Variants in HNF4A observed in about 807,000 individuals in gnomAD.
HNF4A encodes hepatocyte nuclear factor 4 alpha.
A neutral mutation model predicts 52.4 loss-of-function variants in HNF4A; 15 were observed. The ratio of observed to expected loss-of-function variants is 0.29; its 90% CI spans 0.19 to 0.44. The LOEUF (loss-of-function observed/expected upper bound fraction) is 0.44. HNF4A is among the 20% of genes least tolerant of loss of function. The probability of loss-of-function intolerance (pLI) is 1.00; values close to 1 mark genes in which losing one functional copy is unlikely to be tolerated. For synonymous variants in HNF4A, 280 were observed against 264.4 expected (o/e 1.06, Z -0.57); for missense variants, 479 against 647.2 (o/e 0.74, Z 2.82).
intron 3 of HNF4A, among the ~76,000 whole-genome samples, chr20:44,407,910 C>A (rs1048162504): frequency 6.6e-6 from 1 of 152,178 alleles, no homozygotes; most frequent in African/African-American, 2.4e-5. Flanking sequence ...CCTGAGCTTC[C>A]GGTCCCAGGG....
intron 1 of HNF4A, among the ~76,000 whole-genome samples, chr20:44,382,708 G>A (rs1300248345): frequency 1.3e-5 from 2 of 152,096 alleles, no homozygotes; most frequent in Non-Finnish European, 2.9e-5. Flanking sequence ...TGATACATAC[G>A]ACTGGGTTAG....
At chr20:44,386,767 G>A (rs1386159590) in intron 1 of HNF4A, among the ~76,000 whole-genome samples, 2 of 152,230 alleles carry the variant, frequency 1.3e-5, no homozygotes, top group Non-Finnish European at 2.9e-5. Flanking sequence ...AATGTCATTA[G>A]TGCTTAGGTC....
intron 1 of HNF4A, among the ~76,000 whole-genome samples, chr20:44,404,545 GTATGTA>G (rs145689571): frequency 0.016 from 2,486 of 151,514 alleles, 38 homozygotes; most frequent in Non-Finnish European, 0.026. Context: ...GTGTGTATGT[GTATGTA>G]TATGTGTGGA....
chr20:44,362,387 T>C (rs1419262776), intron 1 of HNF4A, among the ~76,000 whole-genome samples: 2 of 124,366 alleles, frequency 1.6e-5, no homozygotes, highest in African/African-American at 6.4e-5. Context: ...ACCACTGCAC[T>C]CCAACCTGGG....
intron 1 of HNF4A, among the ~76,000 whole-genome samples, chr20:44,391,084 C>CT (rs1292777567): frequency 1.3e-5 from 2 of 152,274 alleles, no homozygotes; most frequent in East Asian, 3.9e-4. Flanking sequence ...GTTAAAATCT[C>CT]ATTGCCACTT....
In HNF4A at chr20:44,370,646, T is replaced by C. The variant is rs139261645; in HGVS notation, c.49+14793T>C. The stretch of plus-strand genomic sequence containing the variant: ...ATGACAGCAGGGAGTTAGGCTGTCT[T>C]GTCCCCTGCTGTATCCCCAGCATGT... On this transcript the variant is annotated intron_variant, in intron 1 of 9. Transcript: ENST00000316673. 8.8e-3 allele frequency among the ~76,000 whole-genome samples: 1,346 copies of C among 152,328 alleles called. 9 individuals carry two copies. The highest frequency in any genetic ancestry group is 0.017 in the South Asian group (84 of 4,828).
chr20:44,406,980 C>G (rs532637090), intron 2 of HNF4A, among the ~76,000 whole-genome samples: 15 of 152,292 alleles, frequency 9.8e-5, no homozygotes, highest in African/African-American at 3.1e-4. Flanking sequence ...CTTCCTATCC[C>G]CCTCCAGAGA....
At chr20:44,364,646 T>G (rs2062952940) in intron 1 of HNF4A, among the ~76,000 whole-genome samples, 3 of 152,036 alleles carry the variant, frequency 2.0e-5, no homozygotes, top group African/African-American at 7.2e-5. Flanking sequence ...CTTTTTGTAT[T>G]TTTACTAGAG....
In HNF4A at chr20:44,429,555, GGTGGCTC is replaced by G; in HGVS notation, c.1316_1322del (p.Gly439GlufsTer78). ...TGAGACCCCACAGCCCTCACCGCCA[GGTGGCTC>G]AGGGTCTGAGCCCTATAAGCTCCTG... On this transcript the variant is annotated frameshift_variant, in exon 10 of 10. Transcript: ENST00000316099. LOFTEE classifies it high-confidence loss of function. 1 of 1,614,046 alleles carries G rather than the reference GGTGGCTC, an allele frequency of 6.2e-7. No homozygotes were observed. Among genetic ancestry groups the G allele is most frequent in the Non-Finnish European group, 8.5e-7 (1 of 1,179,970 alleles).
At position 44,365,141 on chromosome 20, in the gene HNF4A, A is replaced by T. The variant is rs189930421; in HGVS notation, c.49+9288A>T. On this transcript the variant is annotated intron_variant, in intron 1 of 9. Coordinates refer to the HNF4A transcript ENST00000316673. ...TATAACAAGTGTAAATATACAATTT[A>T]AAAAAGTATCTTTTTTTTTTGGTTT... 9.2e-5 allele frequency among the ~76,000 whole-genome samples: 14 copies of T among 152,254 alleles called. No individual in the cohort carries two copies. In the East Asian group the frequency reaches 1.2e-3, roughly 13 times the overall value.
At chr20:44,380,868 G>GT (rs1450832927) in intron 1 of HNF4A, among the ~76,000 whole-genome samples, 2 of 151,972 alleles carry the variant, frequency 1.3e-5, no homozygotes, top group Non-Finnish European at 2.9e-5. Context: ...TTTCCCTTAT[G>GT]TTTTATTCCA....
chr20:44,417,024 C>G (rs188592645), intron 5 of HNF4A, among the ~76,000 whole-genome samples: 1 of 152,132 alleles, frequency 6.6e-6, no homozygotes, highest in Non-Finnish European at 1.5e-5. Context: ...AATGTTAGTT[C>G]GATGAGATTA....
chr20:44,379,994 A>G (rs2063135245), intron 1 of HNF4A, among the ~76,000 whole-genome samples: 1 of 152,086 alleles, frequency 6.6e-6, no homozygotes, highest in Admixed American at 6.5e-5. Context: ...GGCCTCCCAA[A>G]GTGCTGGGAT....
rs185185713 is a variant in HNF4A, at chr20:44,424,728, C to T, written c.1129+474C>T. 507 of 550,064 alleles carry T rather than the reference C, an allele frequency of 9.2e-4. 3 individuals are homozygous for T. The highest frequency in any genetic ancestry group is 9.0e-3 in the African/African-American group (463 of 51,626). 34.1% of individuals were successfully genotyped at this position (550,064 alleles called of 1,614,324 possible). A position where few individuals can be genotyped will look rare whatever the true frequency, so the allele number is the denominator to read the frequency against. ...GGTGACTCTTGTGCTAAGACCCTAA[C>T]GGCTGAAAGGAAATGGAAGGCTTAA... On this transcript the variant is annotated intron_variant, in intron 8 of 9. Coordinates refer to ENST00000316099, the MANE Select transcript of HNF4A (RefSeq NM_000457.6).
At chr20:44,424,428 G>T in intron 8 of HNF4A, 174 bp downstream of exon 8, 1 of 1,187,610 alleles carries the variant, frequency 8.4e-7, no homozygotes. Context: ...ACAAGGCAAT[G>T]GTCTATTTGT....
intron 7 of HNF4A, among the ~76,000 whole-genome samples, chr20:44,423,685 T>C (rs539048487): frequency 6.6e-6 from 1 of 152,352 alleles, no homozygotes; most frequent in African/African-American, 2.4e-5. Flanking sequence ...GGACAAGTCC[T>C]ATCTTTGCAC....
chr20:44,374,716 G>A (rs1337849428), intron 1 of HNF4A, among the ~76,000 whole-genome samples: 2 of 152,108 alleles, frequency 1.3e-5, no homozygotes, highest in Non-Finnish European at 2.9e-5. Context: ...CGCCCGCCTC[G>A]GCCTCCCAAA....
At chr20:44,401,224 G>C, upstream of HNF4A, 3 of 1,522,828 alleles carry the variant, frequency 2.0e-6, no homozygotes, top group Non-Finnish European at 2.6e-6. Flanking sequence ...CAGAGGCTAG[G>C]CCAAGACTCC....
chr20:44,393,840 C>A (rs905281296), intron 1 of HNF4A, among the ~76,000 whole-genome samples: 3 of 152,044 alleles, frequency 2.0e-5, no homozygotes, highest in Non-Finnish European at 4.4e-5. Flanking sequence ...GGCTCTACAT[C>A]TTTTTTTGTG....
Sources: gnomAD v4.1 joint callset for allele counts (sites outside exome capture counted in the v4.1 genomes callset) on GRCh38, gnomAD v4.1.1 for gene constraint, MANE v1.5 for transcripts, NCBI Gene and HGNC (gene_info 2026-07-23, HGNC 2026-07-21) for gene names.